PCDHA11: variants seen among roughly 807,000 people sequenced by gnomAD.
PCDHA11 encodes protocadherin alpha-11.
A neutral mutation model predicts 70.3 loss-of-function variants in PCDHA11; 61 were observed. The ratio of observed to expected loss-of-function variants is 0.87; its 90% CI spans 0.71 to 1.07. PCDHA11 has a LOEUF of 1.07. PCDHA11 is among the 50% of genes least tolerant of loss of function. PCDHA11 has a pLI of 0.00. For synonymous variants in PCDHA11, 633 were observed against 555.1 expected, an observed-to-expected ratio of 1.14 and a Z score of -1.97; for missense variants, 1,324 against 1,237.5, an observed-to-expected ratio of 1.07 and a Z score of -1.05.
At chr5:140,894,710 G>A (rs1032103787) in intron 1 of PCDHA11, among the ~76,000 whole-genome samples, 1 of 151,116 alleles carries the variant, frequency 6.6e-6, no homozygotes, top group Non-Finnish European at 1.5e-5. Context: ...TGTTTAAGTT[G>A]TTTTCAAATA....
chr5:140,925,878 ACCT>A (rs1554202987), intron 1 of PCDHA11, among the ~76,000 whole-genome samples: 1 of 151,658 alleles, frequency 6.6e-6, no homozygotes. Flanking sequence ...CTGGTTTATA[ACCT>A]CCTCTTTCAC....
chr5:140,965,700 C>CT (rs1554227802), intron 1 of PCDHA11, among the ~76,000 whole-genome samples: 1 of 152,162 alleles, frequency 6.6e-6, no homozygotes, highest in East Asian at 1.9e-4. Flanking sequence ...TTAGAAAAAG[C>CT]TTGAGAGAAG....
At chr5:140,908,794 C>T (rs1554193480) in intron 1 of PCDHA11, among the ~76,000 whole-genome samples, 1 of 152,142 alleles carries the variant, frequency 6.6e-6, no homozygotes, top group African/African-American at 2.4e-5. Context: ...TTCTGTACTA[C>T]ATTAAAAAGT....
chr5:140,870,319 T>C lies in PCDHA11; in HGVS notation c.1216T>C (p.Leu406=), dbSNP rs782623881. Residue 406 remains leucine, a synonymous_variant, in exon 1 of 4, where the codon TTG becomes CTG. Coordinates refer to ENST00000398640, the MANE Select transcript of PCDHA11 (RefSeq NM_018902.5). ...GTCCACCTTCAAGAATTACTACTCG[T>C]TGGTGCTGGACAGCGCCCTGGACCG... is the stretch of plus-strand genomic sequence containing the variant. The part of the protein sequence containing the change: ...LVSTFKNYYS[L]VLDSALDREN... 3 of 1,614,162 alleles carry C rather than the reference T, an allele frequency of 1.9e-6. No individual in the cohort carries two copies. Among genetic ancestry groups the C allele is most frequent in the Non-Finnish European group, 2.5e-6 (3 of 1,179,998 alleles).
intron 1 of PCDHA11, among the ~76,000 whole-genome samples, chr5:140,948,862 C>T (rs1419321480): frequency 6.6e-6 from 1 of 151,398 alleles, no homozygotes; most frequent in Admixed American, 6.6e-5. Context: ...TCTTATATTA[C>T]TTCGGGTTTA....
intron 3 of PCDHA11, among the ~76,000 whole-genome samples, chr5:140,993,585 G>T (rs2097574142): frequency 6.6e-6 from 1 of 151,526 alleles, no homozygotes; most frequent in Admixed American, 6.6e-5. Flanking sequence ...GCTTTTCTTG[G>T]CTTGGCTCCA....
At position 140,870,679 on chromosome 5, in the gene PCDHA11, G is replaced by C. The variant is rs202117527; in HGVS notation, c.1576G>C (p.Glu526Gln). Reference protein sequence around the residue: ...VYALQPLDHEELELLQFQVSA... With the variant: ...VYALQPLDHEQLELLQFQVSA... ...CGCGCTGCAGCCGTTGGACCACGAG[G>C]AGCTGGAGCTGCTACAGTTCCAGGT... The change falls in exon 1 of 4, where the codon GAG (glutamate) becomes CAG (glutamine). Residue 526 changes from glutamate (E) to glutamine (Q), a missense_variant. By Grantham distance (29) the Glu-to-Gln change is conservative. Coordinates refer to ENST00000398640, the MANE Select transcript of PCDHA11 (RefSeq NM_018902.5). 1.0e-4 allele frequency: 164 copies of C among 1,612,742 alleles called. No individual in the cohort carries two copies. The African/African-American group carries it at 1.9e-3, about 19-fold the overall frequency.
intron 1 of PCDHA11, among the ~76,000 whole-genome samples, chr5:140,936,248 G>A (rs2090860399): frequency 6.6e-6 from 1 of 152,086 alleles, no homozygotes; most frequent in Admixed American, 6.5e-5. Context: ...AACATATCCT[G>A]CTTCAAGTCA....
intron 3 of PCDHA11, among the ~76,000 whole-genome samples, chr5:141,002,755 T>A (rs894161079): frequency 1.3e-5 from 2 of 152,174 alleles, no homozygotes; most frequent in Non-Finnish European, 2.9e-5. Context: ...GACAACCCTG[T>A]GATGTAGACA....
rs549701659 is a variant in PCDHA11 at position 140,937,333 on chromosome 5, G to C, written c.2392-41616G>C. On this transcript the variant is annotated intron_variant, in intron 1 of 3. Transcript: ENST00000398640. ...ATTACAGGCGTGAGCCACCGCGCCCGGCTTCTTCCATTTATTTTATTATTT... is the reference window on the plus strand; with the variant it reads ...ATTACAGGCGTGAGCCACCGCGCCCCGCTTCTTCCATTTATTTTATTATTT... Among the ~76,000 whole-genome samples the C allele has an allele frequency of 2.8e-3, 423 of 151,952 alleles. 2 individuals carry two copies. Among genetic ancestry groups the C allele is most frequent in the Middle Eastern group, 0.014 (4 of 294 alleles).
chr5:140,875,553 G>A (rs1447542979), intron 1 of PCDHA11: 4 of 1,614,000 alleles, frequency 2.5e-6, no homozygotes, highest in African/African-American at 2.7e-5. Flanking sequence ...GGGAGGTGGG[G>A]AGCGGCCAGC....
chr5:140,977,876 G>A (rs1425308379), intron 1 of PCDHA11, among the ~76,000 whole-genome samples: 3 of 152,190 alleles, frequency 2.0e-5, no homozygotes, highest in Non-Finnish European at 2.9e-5. Flanking sequence ...TAAGTATAAT[G>A]TAGAGGAAAA....
intron 3 of PCDHA11, among the ~76,000 whole-genome samples, chr5:141,007,395 C>CAA (rs35800918): frequency 2.8e-4 from 27 of 94,848 alleles, no homozygotes; most frequent in South Asian, 7.0e-4. Context: ...TACTAAAATA[C>CAA]AAAAAAAAAA....
chr5:140,970,748 A>G (rs2096429835), intron 1 of PCDHA11, among the ~76,000 whole-genome samples: 1 of 152,130 alleles, frequency 6.6e-6, no homozygotes, highest in African/African-American at 2.4e-5. Context: ...TTTGCAATAT[A>G]TTTTCATTGA....
At chr5:140,959,549 A>G (rs1240469168) in intron 1 of PCDHA11, among the ~76,000 whole-genome samples, 1 of 152,248 alleles carries the variant, frequency 6.6e-6, no homozygotes, top group East Asian at 1.9e-4. Flanking sequence ...TGCTGTATAA[A>G]TAGAATCAGT....
Position 140,871,075 on chromosome 5 carries a change from C to A in PCDHA11, c.1972C>A (p.Leu658Met). ...VLVKDHGEPA[L>M]TATATVLVSL... ...GGTGAAGGATCACGGTGAGCCGGCGCTGACGGCCACGGCCACCGTGCTGGT... is the reference window on the plus strand; with the variant it reads ...GGTGAAGGATCACGGTGAGCCGGCGATGACGGCCACGGCCACCGTGCTGGT... Residue 658 changes from leucine (L) to methionine (M), a missense_variant, in exon 1 of 4, where the codon CTG becomes ATG. By Grantham distance (15) the Leu-to-Met change is conservative. Coordinates refer to ENST00000398640, the MANE Select transcript of PCDHA11 (RefSeq NM_018902.5). 6.2e-7 allele frequency: 1 copy of A among 1,613,242 alleles called. No homozygotes were observed.
At chr5:140,883,630 G>T (rs1424400219) in intron 1 of PCDHA11, 8 of 1,613,966 alleles carry the variant, frequency 5.0e-6, no homozygotes, top group Non-Finnish European at 6.8e-6. Context: ...ACGCGCCGGC[G>T]TTCGCGCAGC....
At chr5:140,984,174 G>A (rs557769828) in intron 3 of PCDHA11, among the ~76,000 whole-genome samples, 25 of 152,318 alleles carry the variant, frequency 1.6e-4, no homozygotes, top group African/African-American at 5.8e-4. Flanking sequence ...AAGAAGCCAC[G>A]TGAAATCATG....
intron 3 of PCDHA11, among the ~76,000 whole-genome samples, chr5:140,988,690 C>T (rs1286168942): frequency 2.6e-5 from 4 of 152,148 alleles, no homozygotes; most frequent in South Asian, 2.1e-4. Flanking sequence ...TTTCCCTAGA[C>T]GCTCTGTATT....
Sources: allele counts gnomAD v4.1 joint callset (sites outside exome capture counted in the v4.1 genomes callset), GRCh38; gene constraint gnomAD v4.1.1; transcripts MANE v1.5; gene names NCBI Gene and HGNC (gene_info 2026-07-23, HGNC 2026-07-21).